ABTB3: variants seen among roughly 807,000 people sequenced by gnomAD.
ABTB3 encodes ankyrin repeat and BTB domain containing 3, also known as ankyrin repeat- and BTB/POZ domain-containing protein 3.
At chr12:107,553,043 GA>G in the ABTB3 span, among the ~76,000 whole-genome samples, 1 of 152,156 alleles carries the variant, frequency 6.6e-6, no homozygotes, top group Non-Finnish European at 1.5e-5. Flanking sequence ...AGTGCTGTGT[GA>G]CCTCAAGGCT....
At chr12:107,473,264 A>G in the ABTB3 span, among the ~76,000 whole-genome samples, 1 of 152,314 alleles carries the variant, frequency 6.6e-6, no homozygotes, top group Admixed American at 6.5e-5. Flanking sequence ...CGGATTAAGA[A>G]TTCAAGCATG....
At chr12:107,505,506 A>T in the ABTB3 span, among the ~76,000 whole-genome samples, 1 of 152,126 alleles carries the variant, frequency 6.6e-6, no homozygotes, top group South Asian at 2.1e-4. Context: ...TTCAGCAAAT[A>T]TTGGCTCGAT....
chr12:107,653,602 C>A, the ABTB3 span, among the ~76,000 whole-genome samples: 1 of 151,986 alleles, frequency 6.6e-6, no homozygotes, highest in African/African-American at 2.4e-5. Flanking sequence ...TTCAGTGAGC[C>A]CTTTTAATGT....
the ABTB3 span, among the ~76,000 whole-genome samples, chr12:107,556,095 A>ATT: frequency 3.4e-3 from 472 of 139,508 alleles, 6 homozygotes; most frequent in East Asian, 0.042. Flanking sequence ...GTCAGCATCA[A>ATT]TTTTTTTTTT....
the ABTB3 span, among the ~76,000 whole-genome samples, chr12:107,565,979 GC>G: frequency 6.6e-6 from 1 of 152,120 alleles, no homozygotes. Context: ...AAAATCACAA[GC>G]TTCCTTCCTG....
At chr12:107,350,707 G>A in the ABTB3 span, among the ~76,000 whole-genome samples, 1 of 152,124 alleles carries the variant, frequency 6.6e-6, no homozygotes, top group African/African-American at 2.4e-5. Flanking sequence ...GCATCAAAAT[G>A]CTGGAGGAGA....
At chr12:107,588,885 T>G in the ABTB3 span, among the ~76,000 whole-genome samples, 3 of 152,148 alleles carry the variant, frequency 2.0e-5, no homozygotes, top group Non-Finnish European at 4.4e-5. Context: ...GCCTCTTTAT[T>G]GGAGCAAGGT....
chr12:107,425,720 T>C, the ABTB3 span, among the ~76,000 whole-genome samples: 2 of 152,232 alleles, frequency 1.3e-5, no homozygotes, highest in African/African-American at 4.8e-5. Flanking sequence ...AGAACTTCAC[T>C]ACACTCATTT....
chr12:107,369,655 T>C, the ABTB3 span, among the ~76,000 whole-genome samples: 1 of 142,172 alleles, frequency 7.0e-6, no homozygotes, highest in East Asian at 2.1e-4. Context: ...CTCCTTGGCC[T>C]CCCAAAGTGC....
chr12:107,446,846 CT>C, the ABTB3 span, among the ~76,000 whole-genome samples: 1 of 152,200 alleles, frequency 6.6e-6, no homozygotes, highest in South Asian at 2.1e-4. Flanking sequence ...TGTCTCTGAG[CT>C]TCAGTTTTCT....
At chr12:107,467,530 G>A in the ABTB3 span, among the ~76,000 whole-genome samples, 1 of 152,140 alleles carries the variant, frequency 6.6e-6, no homozygotes, top group Non-Finnish European at 1.5e-5. Flanking sequence ...ACTCTAGGCA[G>A]AAGCCACTTC....
chr12:107,338,905 T>C, the ABTB3 span, among the ~76,000 whole-genome samples: 1 of 152,204 alleles, frequency 6.6e-6, no homozygotes. Context: ...TAGTGCTCTA[T>C]AGCCTTGGAC....
chr12:107,346,433 T>C, the ABTB3 span, among the ~76,000 whole-genome samples: 1 of 152,124 alleles, frequency 6.6e-6, no homozygotes, highest in African/African-American at 2.4e-5. Flanking sequence ...TACCATCACA[T>C]AACAGGAAGC....
chr12:107,352,284 C>T, the ABTB3 span, among the ~76,000 whole-genome samples: 1 of 152,074 alleles, frequency 6.6e-6, no homozygotes, highest in Non-Finnish European at 1.5e-5. Context: ...GTTGTCCAGA[C>T]TTAGAGGGAA....
the ABTB3 span, among the ~76,000 whole-genome samples, chr12:107,445,174 C>G: frequency 6.6e-6 from 1 of 152,198 alleles, no homozygotes; most frequent in African/African-American, 2.4e-5. Context: ...CATCATGTGT[C>G]AAGTCTAATC....
the ABTB3 span, among the ~76,000 whole-genome samples, chr12:107,339,567 G>A: frequency 6.6e-6 from 1 of 152,296 alleles, no homozygotes; most frequent in East Asian, 1.9e-4. Context: ...GTTATTGATT[G>A]TACATCGTAT....
the ABTB3 span, among the ~76,000 whole-genome samples, chr12:107,579,420 G>T: frequency 2.6e-5 from 4 of 152,202 alleles, no homozygotes; most frequent in African/African-American, 9.7e-5. Flanking sequence ...GTGGTCCAGG[G>T]CATGATACCT....
chr12:107,551,340 A>G, the ABTB3 span, among the ~76,000 whole-genome samples: 3 of 152,256 alleles, frequency 2.0e-5, no homozygotes, highest in East Asian at 3.9e-4. Context: ...CCTAAGGAGA[A>G]AAAAAAATAC....
the ABTB3 span, among the ~76,000 whole-genome samples, chr12:107,554,503 G>T: frequency 6.6e-6 from 1 of 152,114 alleles, no homozygotes; most frequent in Non-Finnish European, 1.5e-5. Flanking sequence ...ACTTCAGAGG[G>T]CTGTTATTAA....
Sources: allele counts gnomAD v4.1 joint callset (sites outside exome capture counted in the v4.1 genomes callset), GRCh38; gene constraint gnomAD v4.1.1; transcripts MANE v1.5; gene names NCBI Gene and HGNC (gene_info 2026-07-23, HGNC 2026-07-21).